The following TRPM3 variants were observed in gnomAD, a reference collection of about 807,000 sequenced individuals.
TRPM3 encodes transient receptor potential cation channel subfamily M member 3.
TRPM3 carries 77 observed loss-of-function variants against 181.2 expected under a neutral mutation model. That is an observed-to-expected ratio of 0.42 (90% CI 0.35 to 0.51). The LOEUF (loss-of-function observed/expected upper bound fraction) is 0.51, where lower values mean the gene tolerates loss of function less well. Among genes scored for constraint, TRPM3 ranks in the 20% least tolerant of loss-of-function variants. The pLI is 0.01. For missense variants in TRPM3, 1,759 were observed against 2,196.7 expected, an observed-to-expected ratio of 0.80 and a Z score of 3.98; for synonymous variants, 745 against 796.4, an observed-to-expected ratio of 0.94 and a Z score of 1.09.
At chr9:70,608,988 C>CTGAT (rs1258396352) in intron 19 of TRPM3, among the ~76,000 whole-genome samples, 2 of 152,124 alleles carry the variant, frequency 1.3e-5, no homozygotes, top group East Asian at 1.9e-4. Context: ...GAACACAACA[C>CTGAT]TGATTATCTA....
In TRPM3 at chr9:70,553,249, CT is replaced by C; in HGVS notation, c.3284del (p.Lys1095ArgfsTer16). ...TGGCCGGCACGATCCAAGCTCCTGT[CT>C]TGCAGGGAGGCAGCTGGATTATTTT... ...DGKIIQLPPCKTGAWIVPAIM... is the reference protein window; with the variant it reads ...DGKIIQLPPCXTGAWIVPAIM... On this transcript the variant is annotated frameshift_variant, in exon 23 of 26. Transcript: ENST00000677713. LOFTEE classifies it high-confidence loss of function. 6.2e-7 allele frequency: 1 copy of C among 1,614,128 alleles called. No individual in the cohort carries two copies.
At chr9:71,436,466 C>T (rs1023426080) in intron 1 of TRPM3, among the ~76,000 whole-genome samples, 6 of 115,718 alleles carry the variant, frequency 5.2e-5, no homozygotes, top group Admixed American at 1.9e-4. Context: ...CCATGCCTGG[C>T]TAATTTTTTG....
intron 1 of TRPM3, among the ~76,000 whole-genome samples, chr9:70,976,501 CTT>C (rs1427367507): frequency 1.3e-5 from 2 of 152,198 alleles, no homozygotes; most frequent in African/African-American, 4.8e-5. Flanking sequence ...TAGAGGTGTT[CTT>C]AAAGTGTGGG....
intron 1 of TRPM3, among the ~76,000 whole-genome samples, chr9:71,348,583 T>C (rs1400838331): frequency 6.6e-6 from 1 of 151,696 alleles, no homozygotes; most frequent in African/African-American, 2.4e-5. Flanking sequence ...TATTTTTTAT[T>C]TTTTGAGACT....
intron 1 of TRPM3, among the ~76,000 whole-genome samples, chr9:71,429,911 C>T (rs2093930572): frequency 6.6e-6 from 1 of 152,184 alleles, no homozygotes; most frequent in African/African-American, 2.4e-5. Context: ...GCAGTTCACT[C>T]TGCATGGAAT....
intron 1 of TRPM3, among the ~76,000 whole-genome samples, chr9:71,417,006 ATT>A (rs1195779333): frequency 1.3e-5 from 2 of 152,024 alleles, no homozygotes; most frequent in Non-Finnish European, 2.9e-5. Flanking sequence ...TCAATAGTTC[ATT>A]CTTTTTTATT....
chr9:70,827,808 C>T (rs1034538), intron 6 of TRPM3, 39 bp downstream of exon 6: 1,235,205 of 1,598,314 alleles, frequency 0.77, 479,973 homozygotes, highest in African/African-American at 0.92. Flanking sequence ...TTCAGCATAC[C>T]TCCTACGAGC....
intron 1 of TRPM3, among the ~76,000 whole-genome samples, chr9:71,403,916 G>C (rs2093388714): frequency 6.6e-6 from 1 of 152,106 alleles, no homozygotes; most frequent in Non-Finnish European, 1.5e-5. Context: ...GGACAAGTTG[G>C]TGCTTTCTAA....
rs191316745 is a variant in TRPM3, at chr9:71,243,597, A to C, written c.183+203056T>G. On this transcript the variant is annotated intron_variant, in intron 1 of 24. Transcript: ENST00000357533. Reference sequence around the variant, plus strand: ...TGTCTTTTTATGTAAAATCATGCTTATGCATTGTAAGTACTCAATAAATAT... The same window carrying C: ...TGTCTTTTTATGTAAAATCATGCTTCTGCATTGTAAGTACTCAATAAATAT... 3.4e-3 allele frequency among the ~76,000 whole-genome samples: 514 copies of C among 152,366 alleles called. 1 individual carries two copies. The highest frequency in any genetic ancestry group is 0.012 in the African/African-American group (488 of 41,594).
At chr9:70,657,528 G>A (rs2060531101) in intron 9 of TRPM3, among the ~76,000 whole-genome samples, 1 of 152,048 alleles carries the variant, frequency 6.6e-6, no homozygotes, top group African/African-American at 2.4e-5. Context: ...TTGCCTTTTG[G>A]TAACTGGCCT....
chr9:70,864,857 C>A (rs953535548), intron 1 of TRPM3, among the ~76,000 whole-genome samples: 2 of 151,874 alleles, frequency 1.3e-5, no homozygotes, highest in Admixed American at 6.6e-5. Flanking sequence ...ATGTTTGTAA[C>A]CTTATAGAAA....
chr9:71,356,106 A>C (rs4289879), intron 1 of TRPM3, among the ~76,000 whole-genome samples: 72,397 of 151,954 alleles, frequency 0.48, 18,203 homozygotes, highest in East Asian at 0.6. Flanking sequence ...CCACTCTTGA[A>C]ATCAAGCCAA....
At chr9:71,310,832 C>G (rs1236072783) in intron 1 of TRPM3, among the ~76,000 whole-genome samples, 1 of 152,004 alleles carries the variant, frequency 6.6e-6, no homozygotes, top group African/African-American at 2.4e-5. Context: ...GAAAGCTTAA[C>G]CTAACATGTT....
At chr9:71,417,268 G>A (rs12353352) in intron 1 of TRPM3, among the ~76,000 whole-genome samples, 3,714 of 152,050 alleles carry the variant, frequency 0.024, 90 homozygotes, top group African/African-American at 0.059. Context: ...AATAACACAT[G>A]TGAGTTTCAA....
intron 1 of TRPM3, among the ~76,000 whole-genome samples, chr9:70,970,420 C>T (rs1350772607): frequency 3.3e-5 from 5 of 152,292 alleles, no homozygotes; most frequent in African/African-American, 1.2e-4. Context: ...TTGTCAGTCA[C>T]TCCTTCTGGA....
At chr9:71,395,619 T>C (rs1183571320) in intron 1 of TRPM3, among the ~76,000 whole-genome samples, 1 of 152,226 alleles carries the variant, frequency 6.6e-6, no homozygotes, top group Non-Finnish European at 1.5e-5. Context: ...TATTTTCCTT[T>C]CTGATTTTTC....
intron 1 of TRPM3, among the ~76,000 whole-genome samples, chr9:71,169,775 C>T (rs111928109): frequency 1.7e-4 from 26 of 151,684 alleles, no homozygotes; most frequent in East Asian, 7.8e-4. Context: ...GCCAACATGG[C>T]GAAACCCCTT....
intron 1 of TRPM3, among the ~76,000 whole-genome samples, chr9:71,100,236 G>A (rs562139282): frequency 2.0e-5 from 3 of 152,144 alleles, no homozygotes; most frequent in East Asian, 3.9e-4. Context: ...GGAAAATTTT[G>A]TTAGTCTCTG....
chr9:70,866,136 T>C (rs1326306948), intron 1 of TRPM3, among the ~76,000 whole-genome samples: 2 of 152,084 alleles, frequency 1.3e-5, no homozygotes, highest in Non-Finnish European at 2.9e-5. Flanking sequence ...CCATGATTTT[T>C]CTCCAGACAC....
Sources: gnomAD v4.1 joint callset for allele counts (sites outside exome capture counted in the v4.1 genomes callset) on GRCh38, gnomAD v4.1.1 for gene constraint, MANE v1.5 for transcripts, NCBI Gene and HGNC (gene_info 2026-07-23, HGNC 2026-07-21) for gene names.